Variants in SERHL2 observed in about 807,000 individuals in gnomAD.
The protein encoded by SERHL2 is serine hydrolase-like protein 2.
Under a neutral mutation model 25.5 loss-of-function variants are expected in SERHL2, and 29 were observed. The ratio of observed to expected loss-of-function variants is 1.14; its 90% CI spans 0.85 to 1.55. SERHL2 has a LOEUF of 1.55. Among genes scored for constraint, SERHL2 ranks in the 40% most tolerant of loss-of-function variants. The pLI, the probability that SERHL2 is intolerant of heterozygous loss-of-function variation, is 0.00. For synonymous variants in SERHL2, 95 were observed against 103.5 expected (o/e 0.92, Z 0.50); for missense variants, 240 against 252.3 (o/e 0.95, Z 0.33).
At chr22:42,563,179 TTTC>T (rs918535221) in intron 8 of SERHL2, among the ~76,000 whole-genome samples, 2 of 129,268 alleles carry the variant, frequency 1.5e-5, no homozygotes, top group Non-Finnish European at 3.1e-5. Context: ...ACCCTGGCTT[TTTC>T]TTTTTTTCTT....
Position 42,571,123 on chromosome 22 carries a change from A to G in SERHL2, c.651A>G (p.Ala217=), listed in dbSNP as rs1924117654. 1 of 1,613,400 alleles carries G rather than the reference A, an allele frequency of 6.2e-7. No homozygotes were observed. Among genetic ancestry groups the G allele is most frequent in the Non-Finnish European group, 8.5e-7 (1 of 1,179,602 alleles). Residue 217 remains alanine, a splice_region_variant and synonymous_variant, in exon 10 of 12, where the codon GCA becomes GCG. Coordinates refer to ENST00000327678, the MANE Select transcript of SERHL2 (RefSeq NM_014509.5). ...TCACCATGTTTTTGTCTCTGCAGGCAGAGAACAGCATTGACTTCATCAGCA... is the reference window on the plus strand; with the variant it reads ...TCACCATGTTTTTGTCTCTGCAGGCGGAGAACAGCATTGACTTCATCAGCA... The part of the protein sequence containing the change: ...VLNRDQRLAW[A]ENSIDFISRE...
chr22:42,567,525 G>A (rs1258795556), intron 9 of SERHL2, among the ~76,000 whole-genome samples: 2 of 151,234 alleles, frequency 1.3e-5, no homozygotes, highest in South Asian at 2.1e-4. Flanking sequence ...TTAGCCGGGC[G>A]CGGTGGCAGG....
intron 11 of SERHL2, chr22:42,572,736 C>T: frequency 5.1e-6 from 5 of 984,576 alleles, no homozygotes; most frequent in South Asian, 4.7e-5. Flanking sequence ...GAAACAGAGA[C>T]CTTTGGTGGG....
At chr22:42,571,296 C>A in intron 10 of SERHL2, 93 bp downstream of exon 10, 1 of 1,581,404 alleles carries the variant, frequency 6.3e-7, no homozygotes. Context: ...GCTCCAAGTT[C>A]TCTGCGTGTC....
intron 9 of SERHL2, among the ~76,000 whole-genome samples, chr22:42,567,973 G>A (rs1461244467): frequency 2.0e-5 from 3 of 151,468 alleles, no homozygotes; most frequent in South Asian, 4.2e-4. Flanking sequence ...CAGGTGATCT[G>A]CCTGCCTCGA....
intron 9 of SERHL2, among the ~76,000 whole-genome samples, 171 bp from the exon 10 acceptor site, chr22:42,570,950 G>A (rs536022569): frequency 6.6e-6 from 1 of 152,156 alleles, no homozygotes; most frequent in Non-Finnish European, 1.5e-5. Context: ...CTGGCCACCA[G>A]GGGCTAAAGA....
intron 7 of SERHL2, among the ~76,000 whole-genome samples, chr22:42,559,612 T>G (rs1286498704): frequency 6.6e-6 from 1 of 151,354 alleles, no homozygotes; most frequent in East Asian, 2.0e-4. Flanking sequence ...CGTTAGACAT[T>G]CTCTAGATGT....
chr22:42,572,388 G>A (rs1924349911), intron 10 of SERHL2, 48 bp from the exon 11 acceptor site: 1 of 1,394,126 alleles, frequency 7.2e-7, no homozygotes, highest in South Asian at 1.2e-5. Context: ...ACCGCTGGGA[G>A]GCGGTTCTAA....
At chr22:42,571,021 G>T in intron 9 of SERHL2, 100 bp from the exon 10 acceptor site, 2 of 1,568,444 alleles carry the variant, frequency 1.3e-6, no homozygotes, top group South Asian at 2.3e-5. Context: ...TGGCTAAGGT[G>T]CCCTCGCCAG....
intron 8 of SERHL2, among the ~76,000 whole-genome samples, chr22:42,563,904 T>C (rs939807261): frequency 6.6e-6 from 1 of 151,672 alleles, no homozygotes; most frequent in Non-Finnish European, 1.5e-5. Flanking sequence ...AGAAACCCCG[T>C]CTCTACTAAA....
intron 8 of SERHL2, 50 bp downstream of exon 8, chr22:42,560,315 C>T: frequency 7.2e-7 from 1 of 1,398,470 alleles, no homozygotes; most frequent in Non-Finnish European, 1.0e-6. Flanking sequence ...ACTATTCTTA[C>T]CGAGGATGTC....
At chr22:42,564,111 G>A (rs961061708) in intron 8 of SERHL2, among the ~76,000 whole-genome samples, 2 of 151,514 alleles carry the variant, frequency 1.3e-5, no homozygotes, top group African/African-American at 4.8e-5. Context: ...TCTTTTGTAT[G>A]GCTTCTGGAA....
chr22:42,559,708 G>T (rs889256051), intron 7 of SERHL2, among the ~76,000 whole-genome samples: 23 of 151,276 alleles, frequency 1.5e-4, no homozygotes, highest in Non-Finnish European at 3.1e-4. Context: ...AACAGAGCAA[G>T]ACTCTGTCTC....
chr22:42,572,683 G>GTA (rs111341818), intron 11 of SERHL2, 154 bp downstream of exon 11: 16 of 984,666 alleles, frequency 1.6e-5, no homozygotes, highest in African/African-American at 1.0e-4. Flanking sequence ...CTCCACTGTG[G>GTA]TCAGTCCCTA....
rs750023098 is a variant in SERHL2, at chr22:42,571,129, C to T, written c.657C>T (p.Asn219=). The T allele has an allele frequency of 6.2e-7, 1 of 1,613,320 alleles. No homozygotes were observed. Among genetic ancestry groups the T allele is most frequent in the Non-Finnish European group, 8.5e-7 (1 of 1,179,530 alleles). ...NRDQRLAWAE[N]SIDFISRELC... is the part of the protein sequence containing the mutation. ...TGTTTTTGTCTCTGCAGGCAGAGAA[C>T]AGCATTGACTTCATCAGCAGGGAGC... The change falls in exon 10 of 12, where the codon AAC becomes AAT. Residue 219 remains asparagine, a synonymous_variant. Transcript: ENST00000327678.
chr22:42,566,835 G>A (rs528205508), intron 9 of SERHL2, among the ~76,000 whole-genome samples: 1 of 152,274 alleles, frequency 6.6e-6, no homozygotes, highest in East Asian at 1.9e-4. Context: ...CTGGAGGCCT[G>A]TGTCACTGGA....
chr22:42,562,038 G>A (rs903068921), intron 8 of SERHL2, among the ~76,000 whole-genome samples: 3 of 151,814 alleles, frequency 2.0e-5, no homozygotes, highest in African/African-American at 7.2e-5. Context: ...GAGGGAACAG[G>A]CAAGAGGGAG....
At chr22:42,567,985 C>T (rs1291999621) in intron 9 of SERHL2, among the ~76,000 whole-genome samples, 2 of 151,594 alleles carry the variant, frequency 1.3e-5, no homozygotes, top group Non-Finnish European at 2.9e-5. Context: ...CTGCCTCGAC[C>T]TCCCAAAGTG....
chr22:42,573,630 C>T lies in SERHL2; in HGVS notation c.826-306C>T, dbSNP rs943805746. 2.1e-5 allele frequency: 7 copies of T among 340,470 alleles called. No homozygotes were observed. In the East Asian group the frequency reaches 2.7e-4, roughly 13 times the overall value. The allele number at this position is 340,470 out of a possible 1,614,324, so 21.1% of individuals were successfully genotyped here. A position where few individuals can be genotyped will look rare whatever the true frequency, so the allele number is the denominator to read the frequency against. On this transcript the variant is annotated intron_variant, in intron 11 of 11. Transcript: ENST00000327678. ...GCCCCCATCTCATTATCTTTTCTCA[C>T]GGGTACCTCTTCTGATACAATCACA...
Sources: allele counts gnomAD v4.1 joint callset (sites outside exome capture counted in the v4.1 genomes callset), GRCh38; gene constraint gnomAD v4.1.1; transcripts MANE v1.5; gene names NCBI Gene and HGNC (gene_info 2026-07-23, HGNC 2026-07-21).